GRIK2: variants seen among roughly 807,000 people sequenced by gnomAD.
GRIK2 encodes glutamate ionotropic receptor kainate type subunit 2, also known as glutamate receptor ionotropic, kainate 2.
Under a neutral mutation model 100.3 loss-of-function variants are expected in GRIK2, and 32 were observed. That is an observed-to-expected ratio of 0.32 (90% CI 0.24 to 0.43). The LOEUF is 0.43. GRIK2 is among the 20% of genes least tolerant of loss of function. GRIK2 has a pLI of 1.00. For synonymous variants in GRIK2, 417 were observed against 389.4 expected (o/e 1.07, Z -0.83); for missense variants, 843 against 1,114.9 (o/e 0.76, Z 3.47).
At chr6:101,433,388 T>A (rs1769529412) in intron 2 of GRIK2, among the ~76,000 whole-genome samples, 1 of 152,156 alleles carries the variant, frequency 6.6e-6, no homozygotes, top group Middle Eastern at 3.2e-3. Flanking sequence ...TGCAGCAAAT[T>A]GCTTAACCTT....
chr6:101,839,415 C>A (rs987502145), intron 10 of GRIK2, among the ~76,000 whole-genome samples: 1 of 152,158 alleles, frequency 6.6e-6, no homozygotes, highest in African/African-American at 2.4e-5. Context: ...TAGTCTACCA[C>A]TGATGTAGCA....
chr6:101,716,799 G>C (rs1299505532), intron 7 of GRIK2, among the ~76,000 whole-genome samples: 1 of 151,634 alleles, frequency 6.6e-6, no homozygotes, highest in Admixed American at 6.6e-5. Context: ...CACAACAAAA[G>C]GTTTAAAGTA....
intron 2 of GRIK2, among the ~76,000 whole-genome samples, chr6:101,436,869 A>T (rs548793847): frequency 6.6e-6 from 1 of 151,222 alleles, no homozygotes; most frequent in East Asian, 1.9e-4. Flanking sequence ...ATGTATACTT[A>T]AAAGTCCTAT....
At chr6:101,399,629 C>A (rs2787573) in intron 2 of GRIK2, among the ~76,000 whole-genome samples, 22,579 of 152,176 alleles carry the variant, frequency 0.15, 1,872 homozygotes, top group Non-Finnish European at 0.18. Flanking sequence ...CTCTGCATTA[C>A]CTCCCCACAG....
chr6:101,663,388 C>G (rs529805910), intron 4 of GRIK2, among the ~76,000 whole-genome samples: 1 of 152,222 alleles, frequency 6.6e-6, no homozygotes, highest in Admixed American at 6.5e-5. Context: ...TACATCTGAA[C>G]AGGTTGTCAG....
intron 4 of GRIK2, among the ~76,000 whole-genome samples, chr6:101,653,206 C>T (rs1002577719): frequency 1.3e-5 from 2 of 152,078 alleles, no homozygotes; most frequent in Non-Finnish European, 2.9e-5. Flanking sequence ...TTGCTTGCCC[C>T]AGGCAGCTCT....
At chr6:101,724,480 A>T (rs1051257760) in intron 7 of GRIK2, among the ~76,000 whole-genome samples, 10 of 151,908 alleles carry the variant, frequency 6.6e-5, no homozygotes, top group Admixed American at 1.3e-4. Context: ...TTTGCTTAGG[A>T]TAATGACCTC....
chr6:101,904,561 T>TTAC (rs1221471602), intron 12 of GRIK2, among the ~76,000 whole-genome samples: 2 of 151,526 alleles, frequency 1.3e-5, no homozygotes, highest in Non-Finnish European at 3.0e-5. Flanking sequence ...TCAAGTTTTG[T>TTAC]TATTAATCAA....
intron 2 of GRIK2, among the ~76,000 whole-genome samples, chr6:101,426,545 G>A (rs9498586): frequency 0.2 from 30,439 of 151,816 alleles, 3,312 homozygotes; most frequent in East Asian, 0.33. Context: ...TCACATGTAC[G>A]CCATAAACAT....
intron 1 of GRIK2, among the ~76,000 whole-genome samples, chr6:101,394,333 T>C (rs1055897371): frequency 2.6e-5 from 4 of 152,148 alleles, no homozygotes; most frequent in African/African-American, 7.2e-5. Flanking sequence ...CTGAAAAAAC[T>C]TGGAGGGCGT....
chr6:101,644,978 G>T (rs1278953043), intron 4 of GRIK2, among the ~76,000 whole-genome samples: 1 of 151,648 alleles, frequency 6.6e-6, no homozygotes, highest in Non-Finnish European at 1.5e-5. Flanking sequence ...TCTTGATGGA[G>T]GTACTGGAGT....
chr6:101,928,254 C>T, intron 13 of GRIK2, 161 bp from the exon 14 acceptor site: 2 of 602,602 alleles, frequency 3.3e-6, no homozygotes, highest in African/African-American at 1.8e-5. Context: ...AAAATAGCCT[C>T]TGCTTTCCCA....
intron 7 of GRIK2, among the ~76,000 whole-genome samples, chr6:101,766,298 G>A (rs927318936): frequency 2.6e-5 from 4 of 151,984 alleles, no homozygotes; most frequent in African/African-American, 9.7e-5. Context: ...AAGTGAAGTA[G>A]CTATATTATT....
chr6:101,848,455 A>G (rs1783931960), intron 10 of GRIK2, among the ~76,000 whole-genome samples: 1 of 152,134 alleles, frequency 6.6e-6, no homozygotes, highest in Admixed American at 6.6e-5. Flanking sequence ...CTACATATCT[A>G]TATTCAGAAT....
At chr6:101,484,232 T>A (rs548373838) in intron 2 of GRIK2, among the ~76,000 whole-genome samples, 90 of 152,308 alleles carry the variant, frequency 5.9e-4, no homozygotes, top group African/African-American at 2.1e-3. Context: ...ACCATCCATA[T>A]TTAATAGCAT....
intron 2 of GRIK2, among the ~76,000 whole-genome samples, chr6:101,441,753 G>A (rs924273694): frequency 4.6e-5 from 7 of 152,078 alleles, no homozygotes; most frequent in Admixed American, 6.6e-5. Context: ...CATAACACCC[G>A]ATAGGTAGTT....
intron 7 of GRIK2, among the ~76,000 whole-genome samples, chr6:101,715,462 A>G (rs371587046): frequency 2.6e-5 from 4 of 151,784 alleles, no homozygotes; most frequent in African/African-American, 9.7e-5. Context: ...TGTTGTAGGG[A>G]AAGAAACTGG....
chr6:101,482,819 A>T (rs1375103509), intron 2 of GRIK2, among the ~76,000 whole-genome samples: 3 of 152,116 alleles, frequency 2.0e-5, no homozygotes, highest in Non-Finnish European at 2.9e-5. Flanking sequence ...CCTCCCACGC[A>T]CATTGAAAAA....
intron 10 of GRIK2, among the ~76,000 whole-genome samples, chr6:101,821,467 A>G (rs1370075097): frequency 6.6e-6 from 1 of 152,126 alleles, no homozygotes; most frequent in Non-Finnish European, 1.5e-5. Flanking sequence ...AACCATGATT[A>G]AGAACTATAG....
Sources: gnomAD v4.1 joint callset for allele counts (sites outside exome capture counted in the v4.1 genomes callset) on GRCh38, gnomAD v4.1.1 for gene constraint, MANE v1.5 for transcripts, NCBI Gene and HGNC (gene_info 2026-07-23, HGNC 2026-07-21) for gene names.